DAAM1: variants seen among roughly 807,000 people sequenced by gnomAD.
The protein encoded by DAAM1 is disheveled-associated activator of morphogenesis 1.
In DAAM1, 52 loss-of-function variants were observed where a neutral mutation model predicts 130.0. That is an observed-to-expected ratio of 0.40 (90% confidence interval 0.32 to 0.50). The LOEUF (loss-of-function observed/expected upper bound fraction) is 0.50. DAAM1 is among the 20% of genes least tolerant of loss of function. DAAM1 has a pLI of 0.61. For missense variants in DAAM1, 1,134 were observed against 1,303.8 expected (o/e 0.87, Z 2.01); for synonymous variants, 452 against 444.5 (o/e 1.02, Z -0.21).
chr14:59,245,058 G>T (rs1881306475), intron 1 of DAAM1, among the ~76,000 whole-genome samples: 1 of 152,166 alleles, frequency 6.6e-6, no homozygotes. Context: ...AAAGGACGGG[G>T]GGGCCAGGGG....
At chr14:59,196,412 G>C (rs560230643) in intron 1 of DAAM1, among the ~76,000 whole-genome samples, 2 of 152,134 alleles carry the variant, frequency 1.3e-5, no homozygotes, top group Non-Finnish European at 2.9e-5. Flanking sequence ...TTTAGACCAG[G>C]GACCCTTCTA....
intron 15 of DAAM1, chr14:59,338,467 A>C (rs1885712536): frequency 6.9e-6 from 11 of 1,592,690 alleles, no homozygotes; most frequent in Non-Finnish European, 7.7e-6. Flanking sequence ...GGCTCACTGT[A>C]AGCTTGAAAT....
At chr14:59,336,023 G>GT (rs796087070) in intron 15 of DAAM1, among the ~76,000 whole-genome samples, 1,981 of 143,118 alleles carry the variant, frequency 0.014, 20 homozygotes, top group African/African-American at 0.03. Flanking sequence ...TAGTGGTGTT[G>GT]TTTTTTTTTT....
At chr14:59,341,086 C>T (rs1413902917) in intron 16 of DAAM1, among the ~76,000 whole-genome samples, 1 of 152,160 alleles carries the variant, frequency 6.6e-6, no homozygotes, top group East Asian at 1.9e-4. Flanking sequence ...ACACAAAGAG[C>T]TAGTGCTTGG....
At chr14:59,260,051 A>G (rs768382897) in intron 1 of DAAM1, among the ~76,000 whole-genome samples, 3 of 152,214 alleles carry the variant, frequency 2.0e-5, no homozygotes, top group Non-Finnish European at 4.4e-5. Context: ...CTCAAAAAAA[A>G]AAATTGAGAT....
At chr14:59,274,204 TCCAA>T (rs1566679112) in intron 2 of DAAM1, among the ~76,000 whole-genome samples, 8 of 152,172 alleles carry the variant, frequency 5.3e-5, no homozygotes, top group African/African-American at 1.9e-4. Context: ...GTTGGCAAGA[TCCAA>T]AAGCAGCTAG....
At chr14:59,291,654 A>C in intron 3 of DAAM1, 1 of 199,008 alleles carries the variant, frequency 5.0e-6, no homozygotes. Flanking sequence ...AGCCCTCTAA[A>C]ACCACCTTCT....
chr14:59,298,928 C>T (rs1884064379), intron 3 of DAAM1, among the ~76,000 whole-genome samples: 1 of 152,324 alleles, frequency 6.6e-6, no homozygotes, highest in Non-Finnish European at 1.5e-5. Context: ...CTCGTAGATG[C>T]CCATTCTCCT....
intron 1 of DAAM1, among the ~76,000 whole-genome samples, chr14:59,252,995 G>C (rs11625336): frequency 0.25 from 38,201 of 152,064 alleles, 5,810 homozygotes; most frequent in Non-Finnish European, 0.35. Flanking sequence ...TCACACCAAA[G>C]TGTTGTGCTC....
In DAAM1 at chr14:59,263,631, G is replaced by T; in HGVS notation, c.154G>T (p.Glu52Ter). The change falls in exon 2 of 25, where the codon GAG (glutamate) becomes TAG (stop). Residue 52 changes from glutamate to a stop codon, truncating the protein, a stop_gained. Coordinates refer to ENST00000360909, the MANE Select transcript of DAAM1 (RefSeq NM_001270520.2). LOFTEE classifies it high-confidence loss of function. The stretch of plus-strand genomic sequence containing the variant: ...AGCATTGCCCATGCCCCCTGTGGAG[G>T]AGCTGGATGTCATGTTCAGTGAACT... The part of the protein sequence containing the change: ...EPALPMPPVE[E>*]LDVMFSELVD... 6.2e-7 allele frequency: 1 copy of T among 1,614,202 alleles called. No homozygotes were observed. The highest frequency in any genetic ancestry group is 8.5e-7 in the Non-Finnish European group (1 of 1,180,028).
At chr14:59,260,601 G>A (rs1028553728) in intron 1 of DAAM1, among the ~76,000 whole-genome samples, 1 of 152,074 alleles carries the variant, frequency 6.6e-6, no homozygotes, top group African/African-American at 2.4e-5. Context: ...TTCATTACAA[G>A]CACTTATTCT....
At chr14:59,308,885 TTC>T (rs1304568574) in intron 3 of DAAM1, among the ~76,000 whole-genome samples, 1 of 152,198 alleles carries the variant, frequency 6.6e-6, no homozygotes, top group African/African-American at 2.4e-5. Context: ...GAAGCCACTG[TTC>T]TGTAATCATT....
chr14:59,335,815 G>A (rs1885604949), intron 15 of DAAM1, among the ~76,000 whole-genome samples: 1 of 151,964 alleles, frequency 6.6e-6, no homozygotes, highest in African/African-American at 2.4e-5. Context: ...AAGACATTTT[G>A]GGGGCTCCAT....
intron 2 of DAAM1, among the ~76,000 whole-genome samples, chr14:59,281,551 AGG>A (rs1883221975): frequency 6.6e-6 from 1 of 151,490 alleles, no homozygotes; most frequent in Non-Finnish European, 1.5e-5. Flanking sequence ...GAGGAGGAGG[AGG>A]GGAGGTGGGA....
intron 1 of DAAM1, among the ~76,000 whole-genome samples, chr14:59,252,180 G>T (rs1176507139): frequency 2.0e-5 from 3 of 152,200 alleles, no homozygotes; most frequent in Non-Finnish European, 4.4e-5. Flanking sequence ...AAAGCCAGCG[G>T]CCCTGGGTGC....
intron 1 of DAAM1, among the ~76,000 whole-genome samples, chr14:59,209,593 C>T (rs1462693733): frequency 2.6e-5 from 4 of 152,046 alleles, no homozygotes; most frequent in Non-Finnish European, 2.9e-5. Context: ...TGAGATATTC[C>T]ACACTTTATT....
At chr14:59,198,709 A>G (rs147322540) in intron 1 of DAAM1, among the ~76,000 whole-genome samples, 1,786 of 152,328 alleles carry the variant, frequency 0.012, 30 homozygotes, top group Non-Finnish European at 0.014. Context: ...TGTAGATTCA[A>G]TTTACATGTA....
At chr14:59,221,154 C>G (rs1477812015) in intron 1 of DAAM1, among the ~76,000 whole-genome samples, 1 of 152,218 alleles carries the variant, frequency 6.6e-6, no homozygotes, top group Non-Finnish European at 1.5e-5. Flanking sequence ...GTGCACTTAT[C>G]CCTTCTCTGG....
chr14:59,293,957 C>T (rs1448720648), intron 3 of DAAM1, among the ~76,000 whole-genome samples: 1 of 152,186 alleles, frequency 6.6e-6, no homozygotes, highest in South Asian at 2.1e-4. Flanking sequence ...CATCTCTCGC[C>T]TAGCCTTTTC....
Sources: gnomAD v4.1 joint callset for allele counts (sites outside exome capture counted in the v4.1 genomes callset) on GRCh38, gnomAD v4.1.1 for gene constraint, MANE v1.5 for transcripts, NCBI Gene and HGNC (gene_info 2026-07-23, HGNC 2026-07-21) for gene names.